Variants in ZNF8 observed in about 807,000 individuals in gnomAD.
ZNF8 encodes the protein zinc finger protein 8.
ZNF8 carries 9 observed loss-of-function variants against 12.2 expected under a neutral mutation model. The ratio of observed to expected loss-of-function variants is 0.73; its 90% CI spans 0.44 to 1.28. The LOEUF (loss-of-function observed/expected upper bound fraction) is 1.28. Among genes scored for constraint, ZNF8 ranks in the 50% most tolerant of loss-of-function variants. The pLI, the probability that ZNF8 is intolerant of heterozygous loss-of-function variation, is 0.00. For synonymous variants in ZNF8, 274 were observed against 282.3 expected (o/e 0.97, Z 0.30); for missense variants, 664 against 729.1 (o/e 0.91, Z 1.03).
At chr19:58,287,638 CTT>C (rs35340103) in intron 3 of ZNF8, among the ~76,000 whole-genome samples, 3 of 64,830 alleles carry the variant, frequency 4.6e-5, no homozygotes, top group African/African-American at 1.2e-4. Context: ...TGCACCTGGC[CTT>C]TTTTTTTTTT....
intron 1 of ZNF8, chr19:58,279,956 A>C: frequency 1.0e-6 from 1 of 975,382 alleles, no homozygotes; most frequent in Non-Finnish European, 1.3e-6. Flanking sequence ...GTGAGACTTG[A>C]TAATCTTAGG....
At chr19:58,285,614 C>G in intron 1 of ZNF8, 103 bp from the exon 2 acceptor site, 4 of 1,550,456 alleles carry the variant, frequency 2.6e-6, no homozygotes, top group Non-Finnish European at 3.6e-6. Flanking sequence ...CGTGCAGTCT[C>G]TCGTGACACA....
intron 1 of ZNF8, 136 bp from the exon 2 acceptor site, chr19:58,285,581 G>T: frequency 7.8e-7 from 1 of 1,277,040 alleles, no homozygotes. Flanking sequence ...TGCCCAGTGA[G>T]ACCTGACTCC....
chr19:58,283,719 C>T (rs528008570), intron 1 of ZNF8, among the ~76,000 whole-genome samples: 1 of 151,458 alleles, frequency 6.6e-6, no homozygotes, highest in Middle Eastern at 3.4e-3. Context: ...CCTGCCTCAG[C>T]CTCCCATGTA....
In ZNF8 at chr19:58,302,078, CA is replaced by C. The variant is rs1038155783; in HGVS notation, c.*6543del. ...TATTCCTTATCGAAATGCTTGGGAC[CA>C]GAAGTGTTTCAGATCTTTGCATATT... On this transcript the variant is annotated 3_prime_UTR_variant, in exon 4 of 4. Coordinates refer to ENST00000621650, the MANE Select transcript of ZNF8 (RefSeq NM_021089.3). The C allele has an allele frequency of 6.6e-6, 1 of 152,114 alleles. No individual in the cohort carries two copies. Among genetic ancestry groups the C allele is most frequent in the African/African-American group, 2.4e-5 (1 of 41,420 alleles). The allele number at this position is 152,114 out of a possible 1,614,324, so 9.4% of individuals were successfully genotyped here.
At chr19:58,293,110 G>A (rs1479154698) in intron 3 of ZNF8, among the ~76,000 whole-genome samples, 4 of 152,034 alleles carry the variant, frequency 2.6e-5, no homozygotes, top group East Asian at 1.9e-4. Flanking sequence ...CACCACACCC[G>A]AATAATTTTT....
At chr19:58,279,899 T>C in intron 1 of ZNF8, 1 of 1,217,768 alleles carries the variant, frequency 8.2e-7, no homozygotes, top group Non-Finnish European at 1.1e-6. Context: ...TTTTTTGTCG[T>C]TGGTTTGTTC....
rs1357097499 is a variant in ZNF8 at position 58,278,991 on chromosome 19, G to C, written c.-91G>C. On this transcript the variant is annotated 5_prime_UTR_variant, in exon 1 of 4. Transcript: ENST00000621650. ...GTCGCCGGTGCGGCCGCCATTGTCC[G>C]GCGTTCGGCGAGTCGGGTGGTCCCT... 7.5e-6 allele frequency: 10 copies of C among 1,336,636 alleles called. No individual in the cohort carries two copies. Among genetic ancestry groups the C allele is most frequent in the Admixed American group, 3.5e-5 (1 of 28,692 alleles). 82.8% of individuals were successfully genotyped at this position (1,336,636 alleles called of 1,614,324 possible).
At chr19:58,279,453 C>T in intron 1 of ZNF8, 4 of 1,453,702 alleles carry the variant, frequency 2.8e-6, no homozygotes, top group Non-Finnish European at 3.6e-6. Flanking sequence ...CTCCGCCCCG[C>T]CGACACCCTT....
At position 58,297,223 on chromosome 19, in the gene ZNF8, ACT is replaced by A; in HGVS notation, c.*1690_*1691del. The A allele has an allele frequency of 6.9e-6, 1 of 145,400 alleles. No individual in the cohort carries two copies. Among genetic ancestry groups the A allele is most frequent in the Non-Finnish European group, 1.5e-5 (1 of 65,996 alleles). 9.0% of individuals were successfully genotyped at this position (145,400 alleles called of 1,614,324 possible). A position where few individuals can be genotyped will look rare whatever the true frequency, so the allele number is the denominator to read the frequency against. ...ACTCCAGCCTGGGTGACAGAGCAAG[ACT>A]CTGTCTCAGAAAAAAAAAAGAAAAG... is the stretch of plus-strand genomic sequence containing the variant. On this transcript the variant is annotated 3_prime_UTR_variant, in exon 4 of 4. Coordinates refer to ENST00000621650, the MANE Select transcript of ZNF8 (RefSeq NM_021089.3).
chr19:58,294,726 C>T lies in ZNF8; in HGVS notation c.918C>T (p.Ile306=). Residue 306 remains isoleucine (I), a synonymous_variant, in exon 4 of 4, where the codon ATC becomes ATT. Transcript: ENST00000621650. The surrounding 1 kb of genome is among the most constrained non-coding windows in gnomAD (Gnocchi z 5.5). ...CCTCCCTCGTCCAGCATGAGCGCAT[C>T]CACACTGGAGACAAGCCCTACAAGT... ...QNSSLVQHER[I]HTGDKPYKCA... The T allele has an allele frequency of 6.2e-7, 1 of 1,614,072 alleles. No homozygotes were observed. The highest frequency in any genetic ancestry group is 8.5e-7 in the Non-Finnish European group (1 of 1,179,988).
intron 3 of ZNF8, among the ~76,000 whole-genome samples, chr19:58,292,512 C>T (rs913221773): frequency 6.6e-6 from 1 of 152,186 alleles, no homozygotes; most frequent in Non-Finnish European, 1.5e-5. Context: ...CTCCAAATAC[C>T]CTCACAATGG....
Position 58,295,787 on chromosome 19 carries a change from C to G in ZNF8, c.*251C>G, listed in dbSNP as rs886497500. On this transcript the variant is annotated 3_prime_UTR_variant, in exon 4 of 4. Coordinates refer to ENST00000621650, the MANE Select transcript of ZNF8 (RefSeq NM_021089.3). ...TGAGTTCACAGGTAATATAACCTAC[C>G]CACCTGTGTAATGTCAAAAAAAATC... The G allele has an allele frequency of 1.1e-5, 5 of 449,972 alleles. No homozygotes were observed. The highest frequency in any genetic ancestry group is 3.9e-5 in the Admixed American group (1 of 25,456). The allele number at this position is 449,972 out of a possible 1,614,324, so 27.9% of individuals were successfully genotyped here.
chr19:58,284,538 C>T (rs1481646799), intron 1 of ZNF8, among the ~76,000 whole-genome samples: 1 of 152,182 alleles, frequency 6.6e-6, no homozygotes, highest in South Asian at 2.1e-4. Context: ...GTTGCATCAA[C>T]TTATAAAAAT....
In ZNF8 at chr19:58,294,006, C is replaced by G; in HGVS notation, c.290-92C>G. 1 of 1,230,456 alleles carries G rather than the reference C, an allele frequency of 8.1e-7. No individual in the cohort carries two copies. The highest frequency in any genetic ancestry group is 1.5e-5 in the South Asian group (1 of 65,520). 76.2% of individuals were successfully genotyped at this position (1,230,456 alleles called of 1,614,324 possible). A position where few individuals can be genotyped will look rare whatever the true frequency, so the allele number is the denominator to read the frequency against. ...ACTTGCCAGGGCAGCTGGTTAGGAC[C>G]CCATTTCAATATCAGGCCTATGGTG... On this transcript the variant is annotated intron_variant, in intron 3 of 3. Transcript: ENST00000621650. The surrounding 1 kb of genome is among the most constrained non-coding windows in gnomAD (Gnocchi z 5.5).
intron 1 of ZNF8, among the ~76,000 whole-genome samples, chr19:58,283,790 A>G (rs954891901): frequency 1.3e-5 from 2 of 151,442 alleles, no homozygotes; most frequent in Non-Finnish European, 2.9e-5. Context: ...TAGTAGAGAC[A>G]GGGTTTCATC....
In ZNF8 at chr19:58,294,401, A is replaced by C; in HGVS notation, c.593A>C (p.Glu198Ala). The C allele has an allele frequency of 6.2e-7, 1 of 1,614,046 alleles. No homozygotes were observed. ...CCATTCCCAGAGATCTCTAGAGGGG[A>C]GTATTTGTATACTTACGACTCACAG... is the stretch of plus-strand genomic sequence containing the variant. Reference protein sequence around the residue: ...PNPFPEISRGEYLYTYDSQIT... With the variant: ...PNPFPEISRGAYLYTYDSQIT... Residue 198 changes from glutamate (E) to alanine (A), a missense_variant, in exon 4 of 4, where the codon GAG (glutamate) becomes GCG (alanine). Glu to Ala is a moderately radical substitution (Grantham distance 107). Coordinates refer to ENST00000621650, the MANE Select transcript of ZNF8 (RefSeq NM_021089.3). This position sits in a 1 kb window ranked among gnomAD's most constrained non-coding sequence, Gnocchi z 5.5.
rs570960606 is a variant in ZNF8, at chr19:58,283,575, C to T, written c.67-2142C>T. The stretch of plus-strand genomic sequence containing the variant: ...GTACCATGATATTAGACTTCCCAGC[C>T]TTCAGAACTGTAAGAAATAAACTCT... On this transcript the variant is annotated intron_variant, in intron 1 of 3. Transcript: ENST00000621650. 2.5e-4 allele frequency among the ~76,000 whole-genome samples: 38 copies of T among 150,788 alleles called. No individual in the cohort carries two copies. The East Asian group carries it at 2.7e-3, about 11-fold the overall frequency.
intron 3 of ZNF8, among the ~76,000 whole-genome samples, chr19:58,292,742 A>T (rs1026972340): frequency 4.6e-5 from 7 of 152,170 alleles, no homozygotes; most frequent in Non-Finnish European, 1.0e-4. Context: ...GTTGTAGCGT[A>T]TGTCAGTACT....
Sources: gnomAD v4.1 joint callset for allele counts (sites outside exome capture counted in the v4.1 genomes callset) on GRCh38, gnomAD v4.1.1 for gene constraint, Gnocchi (gnomAD v3.1) non-coding constraint, MANE v1.5 for transcripts, NCBI Gene and HGNC (gene_info 2026-07-23, HGNC 2026-07-21) for gene names.